The following CCDC141 variants were observed in gnomAD, a reference collection of about 807,000 sequenced individuals.
CCDC141 encodes the protein coiled-coil domain-containing protein 141.
Under a neutral mutation model 181.0 loss-of-function variants are expected in CCDC141, and 168 were observed. The observed-to-expected ratio is 0.93, with a 90% CI of 0.82 to 1.05. The LOEUF is 1.05. Ranked by LOEUF, CCDC141 falls within the 50% of genes least tolerant of loss-of-function variation. The pLI is 0.00. For missense variants in CCDC141, 1,902 were observed against 1,788.5 expected, an observed-to-expected ratio of 1.06 and a Z score of -1.14; for synonymous variants, 666 against 642.3, an observed-to-expected ratio of 1.04 and a Z score of -0.56.
At chr2:178,824,501 GC>G in the CCDC141 span, among the ~76,000 whole-genome samples, 1 of 151,262 alleles carries the variant, frequency 6.6e-6, no homozygotes, top group African/African-American at 2.4e-5. Flanking sequence ...GTGCACCTGT[GC>G]CAGCTACTCA....
chr2:178,851,933 C>A (rs1685181180), intron 20 of CCDC141, among the ~76,000 whole-genome samples: 1 of 152,200 alleles, frequency 6.6e-6, no homozygotes, highest in Non-Finnish European at 1.5e-5. Context: ...TTGATACAAT[C>A]TTAAAGTGCC....
At chr2:178,927,210 C>T (rs1297903341) in intron 6 of CCDC141, among the ~76,000 whole-genome samples, 1 of 152,124 alleles carries the variant, frequency 6.6e-6, no homozygotes, top group Admixed American at 6.5e-5. Flanking sequence ...GACTCTCATT[C>T]TATACTCAAT....
intron 2 of CCDC141, 131 bp downstream of exon 2, chr2:179,047,152 AT>A: frequency 1.5e-6 from 1 of 668,334 alleles, no homozygotes; most frequent in Non-Finnish European, 2.2e-6. Context: ...ATAACTACTG[AT>A]TTTTCCATTA....
chr2:178,961,329 T>G lies in CCDC141; in HGVS notation c.681A>C (p.Leu227=). Residue 227 remains leucine, a synonymous_variant, in exon 5 of 24, where the codon CTA becomes CTC. Transcript: ENST00000443758. ...CLKVDRLLEL[L]QDRRRQLDKY... ...TGTCTAGTTGTCTTCTCCTGTCTTG[T>G]AGAAGTTCAAGAAGGCGGTCAACCT... is the stretch of plus-strand genomic sequence containing the variant. 6.4e-7 allele frequency: 1 copy of G among 1,550,548 alleles called. No individual in the cohort carries two copies.
intron 8 of CCDC141, among the ~76,000 whole-genome samples, chr2:178,896,789 C>T (rs1313283773): frequency 6.6e-6 from 1 of 152,106 alleles, no homozygotes; most frequent in South Asian, 2.1e-4. Context: ...CCCTAGTTTC[C>T]TCATCTGCAA....
intron 2 of CCDC141, among the ~76,000 whole-genome samples, chr2:178,983,212 C>T (rs183711923): frequency 0.014 from 2,106 of 152,250 alleles, 28 homozygotes; most frequent in African/African-American, 0.042. Context: ...CACACTGACA[C>T]CTCACACTGC....
chr2:178,865,925 G>T lies in CCDC141; in HGVS notation c.2575-9C>A. ...GAAACATTAGAGCAGTGCTAAAAGAGACAAATGGTGGTAACAGAGAGAAAG... is the reference window on the plus strand; with the variant it reads ...GAAACATTAGAGCAGTGCTAAAAGATACAAATGGTGGTAACAGAGAGAAAG... On this transcript the variant is annotated splice_polypyrimidine_tract_variant and intron_variant, in intron 16 of 23. Transcript: ENST00000443758. 1 of 1,508,658 alleles carries T rather than the reference G, an allele frequency of 6.6e-7. No homozygotes were observed. The allele number at this position is 1,508,658 out of a possible 1,614,324, so 93.5% of individuals were successfully genotyped here. A position where few individuals can be genotyped will look rare whatever the true frequency, so the allele number is the denominator to read the frequency against.
chr2:178,978,158 T>A (rs943375254), intron 3 of CCDC141, among the ~76,000 whole-genome samples: 6 of 152,182 alleles, frequency 3.9e-5, no homozygotes, highest in African/African-American at 9.6e-5. Flanking sequence ...TACCATCAGG[T>A]AATTGTTTGA....
At chr2:178,869,059 A>C (rs1685988629) in intron 15 of CCDC141, 58 bp downstream of exon 15, 1 of 1,265,406 alleles carries the variant, frequency 7.9e-7, no homozygotes, top group Non-Finnish European at 1.1e-6. Flanking sequence ...ATAATAATTC[A>C]TTTTTAATTG....
In CCDC141 at chr2:178,895,133, A is replaced by C. The variant is rs6721973; in HGVS notation, c.1266-6465T>G. 2.1e-3 allele frequency among the ~76,000 whole-genome samples: 315 copies of C among 152,246 alleles called. 1 individual carries two copies. Among genetic ancestry groups the C allele is most frequent in the African/African-American group, 7.2e-3 (301 of 41,544 alleles). The stretch of plus-strand genomic sequence containing the variant: ...TCTGTCTTAAAATATTCTTCAAAAA[A>C]CTATTTGATATGGACTTAGAATATT... On this transcript the variant is annotated intron_variant, in intron 8 of 23. Coordinates refer to ENST00000443758, the MANE Select transcript of CCDC141 (RefSeq NM_173648.4).
chr2:178,879,732 G>A (rs940160084), intron 11 of CCDC141, among the ~76,000 whole-genome samples: 1 of 152,178 alleles, frequency 6.6e-6, no homozygotes, highest in African/African-American at 2.4e-5. Context: ...ATAGGGAAGA[G>A]CTTCCCAAAG....
At chr2:179,047,056 A>G (rs1396021722) in intron 2 of CCDC141, among the ~76,000 whole-genome samples, 1 of 152,200 alleles carries the variant, frequency 6.6e-6, no homozygotes, top group Non-Finnish European at 1.5e-5. Context: ...CTCCACAGTG[A>G]AAATATTATC....
intron 21 of CCDC141, 31 bp downstream of exon 21, chr2:178,850,018 G>T: frequency 8.3e-7 from 1 of 1,203,668 alleles, no homozygotes; most frequent in South Asian, 1.3e-5. Flanking sequence ...TATTTTGCTT[G>T]AAAATACATA....
chr2:178,989,479 A>C lies in CCDC141; in HGVS notation c.226-10804T>G, dbSNP rs904131217. The stretch of plus-strand genomic sequence containing the variant: ...TGTGGTGGTGGGCACCTGTAATCCT[A>C]GTTACTCAGGAGGCTGAGGCAGGAG... On this transcript the variant is annotated intron_variant, in intron 2 of 23. Transcript: ENST00000443758. 2.6e-5 allele frequency among the ~76,000 whole-genome samples: 4 copies of C among 151,842 alleles called. 1 individual carries two copies. The highest frequency in any genetic ancestry group is 2.6e-4 in the Admixed American group (4 of 15,254).
intron 6 of CCDC141, among the ~76,000 whole-genome samples, chr2:178,923,250 G>T (rs1387477265): frequency 1.3e-5 from 2 of 149,948 alleles, no homozygotes; most frequent in Non-Finnish European, 3.0e-5. Context: ...GACTACAGGC[G>T]CCCGCCACTA....
chr2:178,850,824 C>A (rs1561634344), intron 20 of CCDC141, among the ~76,000 whole-genome samples: 2 of 152,320 alleles, frequency 1.3e-5, no homozygotes, highest in East Asian at 3.9e-4. Context: ...TTTGCCTGTG[C>A]CTAAGCACTG....
chr2:179,033,008 T>A (rs928579685), intron 2 of CCDC141, among the ~76,000 whole-genome samples: 43 of 147,348 alleles, frequency 2.9e-4, no homozygotes, highest in Admixed American at 8.2e-4. Context: ...TATATATATA[T>A]AATATATAAT....
chr2:178,896,097 A>G (rs1344105541), intron 8 of CCDC141, among the ~76,000 whole-genome samples: 1 of 152,204 alleles, frequency 6.6e-6, no homozygotes, highest in Non-Finnish European at 1.5e-5. Context: ...TGAAAAGTGG[A>G]GCCATGAGAT....
At chr2:178,986,573 G>T (rs1691753556) in intron 2 of CCDC141, among the ~76,000 whole-genome samples, 1 of 151,892 alleles carries the variant, frequency 6.6e-6, no homozygotes, top group Non-Finnish European at 1.5e-5. Context: ...AAACCCCATT[G>T]TCTCAGCCCA....
Sources: gnomAD v4.1 joint callset for allele counts (sites outside exome capture counted in the v4.1 genomes callset) on GRCh38, gnomAD v4.1.1 for gene constraint, MANE v1.5 for transcripts, NCBI Gene and HGNC (gene_info 2026-07-23, HGNC 2026-07-21) for gene names.